The following MTA1 variants were observed in gnomAD, a reference collection of about 807,000 sequenced individuals.
The protein encoded by MTA1 is metastasis-associated protein MTA1.
In MTA1, 15 loss-of-function variants were observed where a neutral mutation model predicts 97.0. That is an observed-to-expected ratio of 0.15 (90% CI 0.10 to 0.24). MTA1 has a LOEUF of 0.24. MTA1 is among the 10% of genes least tolerant of loss of function. The pLI, the probability that MTA1 is intolerant of heterozygous loss-of-function variation, is 1.00. For missense variants in MTA1, 709 were observed against 1,015.1 expected, an observed-to-expected ratio of 0.70 and a Z score of 4.10; for synonymous variants, 435 against 417.5, an observed-to-expected ratio of 1.04 and a Z score of -0.51.
Position 105,466,726 on chromosome 14 carries a change from C to T in MTA1, c.1797C>T (p.Leu599=). The change falls in exon 18 of 21, where the codon CTC becomes CTT. Residue 599 remains leucine, a synonymous_variant. Coordinates refer to ENST00000331320, the MANE Select transcript of MTA1 (RefSeq NM_004689.4). ...TGCCAGGCAACATGAAGAAGCGCCT[C>T]TTGATGCCCAGTAGGGGTAAGGCCT... is the stretch of plus-strand genomic sequence containing the variant. ...NGVDGNMKKR[L]LMPSRGLANH... The T allele has an allele frequency of 6.3e-7, 1 of 1,597,256 alleles. No individual in the cohort carries two copies. The highest frequency in any genetic ancestry group is 8.5e-7 in the Non-Finnish European group (1 of 1,173,514).
At position 105,466,428 on chromosome 14, in the gene MTA1, A is replaced by ACC; in HGVS notation, c.1629_1630dup (p.His544ProfsTer11). The ACC allele has an allele frequency of 1.1e-5, 9 of 795,102 alleles. No homozygotes were observed. Among genetic ancestry groups the ACC allele is most frequent in the Non-Finnish European group, 1.5e-5 (7 of 474,318 alleles). The allele number at this position is 795,102 out of a possible 1,614,324, so 49.3% of individuals were successfully genotyped here. ...TCTGCCTGTGTCATTCCCGGCAGAGACCCACCCCCGCCCCCCCAAGCCTGA... is the reference window on the plus strand; with the variant it reads ...TCTGCCTGTGTCATTCCCGGCAGAGACCCCCACCCCCGCCCCCCCAAGCCTGA... On this transcript the variant is annotated frameshift_variant, in exon 17 of 21. Coordinates refer to ENST00000331320, the MANE Select transcript of MTA1 (RefSeq NM_004689.4). LOFTEE classifies it high-confidence loss of function.
chr14:105,450,461 G>C (rs1328041094), intron 6 of MTA1, 137 bp downstream of exon 6: 2 of 962,888 alleles, frequency 2.1e-6, no homozygotes, highest in Non-Finnish European at 3.0e-6. Context: ...GGGGGAAGCG[G>C]GGATTGCGTC....
At chr14:105,469,808 G>A (rs782613978) in intron 19 of MTA1, 33 bp from the exon 20 acceptor site, 6 of 1,579,502 alleles carry the variant, frequency 3.8e-6, no homozygotes. Flanking sequence ...CTGGCCCTTG[G>A]CTGGCTGCCC....
At chr14:105,465,676 C>T (rs1555432561) in intron 16 of MTA1, 1 of 152,924 alleles carries the variant, frequency 6.5e-6, no homozygotes, top group African/African-American at 2.4e-5. Flanking sequence ...GAGGAGCAGC[C>T]TCAGGCGGCA....
At position 105,463,563 on chromosome 14, in the gene MTA1, C is replaced by T. The variant is rs1555431554; in HGVS notation, c.1076+12C>T. ...TATATTCCCAACTAGTAAGTGTGCC[C>T]TCACAGCCGTCGTCCTCGTGGCCCC... On this transcript the variant is annotated intron_variant, in intron 12 of 20. Transcript: ENST00000331320. This position sits in a 1 kb window ranked among gnomAD's most constrained non-coding sequence, Gnocchi z 5.9. 6.2e-7 allele frequency: 1 copy of T among 1,612,608 alleles called. No individual in the cohort carries two copies. Among genetic ancestry groups the T allele is most frequent in the Non-Finnish European group, 8.5e-7 (1 of 1,179,776 alleles).
intron 7 of MTA1, 38 bp from the exon 8 acceptor site, chr14:105,458,232 G>T: frequency 6.3e-7 from 1 of 1,585,108 alleles, no homozygotes; most frequent in Non-Finnish European, 8.7e-7. Flanking sequence ...GCGCGCCGTG[G>T]GACCCCGTCT....
At position 105,469,934 on chromosome 14, in the gene MTA1, C is replaced by G; in HGVS notation, c.1939C>G (p.Arg647Gly). ...CTCCCTGCCCCCAGTCAAGCGGCGG[C>G]GGATGAACTGGATCGACGCCCCGGA... ...GGSLPPVKRR[R>G]MNWIDAPDDV... Residue 647 changes from arginine to glycine, a missense_variant, in exon 20 of 21, where the codon CGG becomes GGG. Physicochemically the swap from Arg to Gly is moderately radical, Grantham distance 125 (BLOSUM62 -2). Around this residue, in one of 2 missense-constraint regions of MTA1, gnomAD observed 388 missense variants for 421.6 expected, o/e 0.92. Transcript: ENST00000331320. The G allele has an allele frequency of 6.2e-7, 1 of 1,612,234 alleles. No homozygotes were observed. Among genetic ancestry groups the G allele is most frequent in the Non-Finnish European group, 8.5e-7 (1 of 1,179,710 alleles).
At position 105,463,913 on chromosome 14, in the gene MTA1, G is replaced by A. The variant is rs1048918672; in HGVS notation, c.1077-119G>A. ...AGAAAGGAAGATCCCTGCCGAGGCC[G>A]AGGGGTGCGAGGACGTGGTTCTGGA... On this transcript the variant is annotated intron_variant, in intron 12 of 20. Transcript: ENST00000331320. The surrounding 1 kb of genome is among the most constrained non-coding windows in gnomAD (Gnocchi z 5.9). 6.3e-5 allele frequency: 58 copies of A among 926,620 alleles called. No homozygotes were observed. The highest frequency in any genetic ancestry group is 1.2e-4 in the East Asian group (5 of 41,030). 57.4% of individuals were successfully genotyped at this position (926,620 alleles called of 1,614,324 possible).
chr14:105,434,875 T>G (rs782395075), intron 1 of MTA1, among the ~76,000 whole-genome samples: 2 of 152,244 alleles, frequency 1.3e-5, no homozygotes, highest in Non-Finnish European at 2.9e-5. Flanking sequence ...ATAGCTTTTT[T>G]TGTAGACTCT....
intron 2 of MTA1, among the ~76,000 whole-genome samples, chr14:105,440,504 G>A (rs77647373): frequency 0.014 from 2,109 of 152,350 alleles, 41 homozygotes; most frequent in African/African-American, 0.046. Flanking sequence ...AGGTTCCCTC[G>A]TGCTGCTTCC....
chr14:105,464,201 T>C, intron 13 of MTA1, 54 bp downstream of exon 13: 1 of 1,557,126 alleles, frequency 6.4e-7, no homozygotes, highest in Non-Finnish European at 8.8e-7. Context: ...TGGGCCGTGG[T>C]GCCTGCGTTG....
chr14:105,449,938 G>A, intron 4 of MTA1, 120 bp from the exon 5 acceptor site: 1 of 1,418,328 alleles, frequency 7.1e-7, no homozygotes, highest in South Asian at 1.3e-5. Context: ...GCAGCAGGAG[G>A]AGGCACGCCT....
intron 18 of MTA1, among the ~76,000 whole-genome samples, chr14:105,468,510 G>A (rs2083691075): frequency 6.6e-6 from 1 of 152,206 alleles, no homozygotes; most frequent in South Asian, 2.1e-4. Context: ...GCAGGGAAAG[G>A]CTGACCCAGG....
intron 1 of MTA1, among the ~76,000 whole-genome samples, chr14:105,433,111 G>T (rs1187575391): frequency 3.9e-5 from 6 of 152,160 alleles, no homozygotes; most frequent in African/African-American, 7.2e-5. Flanking sequence ...GCAAAAGGAC[G>T]CAGACTCAAA....
At chr14:105,425,973 G>A (rs1377203350) in intron 1 of MTA1, among the ~76,000 whole-genome samples, 1 of 152,082 alleles carries the variant, frequency 6.6e-6, no homozygotes, top group Non-Finnish European at 1.5e-5. Flanking sequence ...AGAGCCGCCC[G>A]GCAGCCTCCC....
chr14:105,430,266 G>C (rs2082139852), intron 1 of MTA1, among the ~76,000 whole-genome samples: 1 of 152,158 alleles, frequency 6.6e-6, no homozygotes, highest in Admixed American at 6.5e-5. Context: ...GGCCATGGCA[G>C]GGTTGCTAGT....
chr14:105,461,076 G>A (rs2083330810), intron 10 of MTA1, 123 bp downstream of exon 10: 1 of 1,026,348 alleles, frequency 9.7e-7, no homozygotes, highest in Admixed American at 2.7e-5. Flanking sequence ...CTGATTCCCT[G>A]TGCGGAGCTG....
In MTA1 at chr14:105,470,589, T is replaced by G; in HGVS notation, c.*374T>G. 64 of 180,588 alleles carry G rather than the reference T, an allele frequency of 3.5e-4. No homozygotes were observed. The highest frequency in any genetic ancestry group is 7.8e-4 in the East Asian group (5 of 6,426). 11.2% of individuals were successfully genotyped at this position (180,588 alleles called of 1,614,324 possible). On this transcript the variant is annotated 3_prime_UTR_variant, in exon 21 of 21. Coordinates refer to ENST00000331320, the MANE Select transcript of MTA1 (RefSeq NM_004689.4). ...TTTTTTTGTAGATGAACTTGAGCTC[T>G]GTAACTTACACCTGGAATGTTAGGA...
intron 7 of MTA1, among the ~76,000 whole-genome samples, chr14:105,455,563 T>G (rs1308747794): frequency 6.6e-6 from 1 of 152,254 alleles, no homozygotes; most frequent in Non-Finnish European, 1.5e-5. Flanking sequence ...TTGGTTTGTT[T>G]TGAGAGCGGG....
Sources: gnomAD v4.1 joint callset for allele counts (sites outside exome capture counted in the v4.1 genomes callset) on GRCh38, gnomAD v4.1.1 for gene constraint, gnomAD v4.1.1 regional missense constraint, Gnocchi (gnomAD v3.1) non-coding constraint, MANE v1.5 for transcripts, NCBI Gene and HGNC (gene_info 2026-07-23, HGNC 2026-07-21) for gene names.